DSP: variants seen among roughly 807,000 people sequenced by gnomAD.
The protein encoded by DSP is desmoplakin.
Under a neutral mutation model 290.6 loss-of-function variants are expected in DSP, and 114 were observed. That is an observed-to-expected ratio of 0.39 (90% CI 0.34 to 0.46). The LOEUF (loss-of-function observed/expected upper bound fraction) is 0.46, where lower values mean the gene tolerates loss of function less well. DSP is among the 20% of genes least tolerant of loss of function. The probability of loss-of-function intolerance (pLI) is 0.99; values close to 1 mark genes in which losing one functional copy is unlikely to be tolerated. For synonymous variants in DSP, 1,311 were observed against 1,316.4 expected (o/e 1.00, Z 0.09); for missense variants, 3,230 against 3,495.8 (o/e 0.92, Z 1.92).
Position 7,586,134 on chromosome 6 carries a change from G to A in DSP, c.*256G>A, listed in dbSNP as rs761144502. The A allele has an allele frequency of 5.1e-6, 2 of 391,760 alleles. No homozygotes were observed. Among genetic ancestry groups the A allele is most frequent in the Non-Finnish European group, 9.1e-6 (2 of 219,988 alleles). The allele number at this position is 391,760 out of a possible 1,614,324, so 24.3% of individuals were successfully genotyped here. On this transcript the variant is annotated 3_prime_UTR_variant, in exon 24 of 24. Transcript: ENST00000379802. ...ATCAGTTGTAACAATAGCACAAATC[G>A]AACTTAGGATTTGTTTCTTCTCTTC...
Position 7,541,776 on chromosome 6 carries a change from G to T in DSP, c.-140G>T, listed in dbSNP as rs978205443. 1 of 1,125,030 alleles carries T rather than the reference G, an allele frequency of 8.9e-7. No individual in the cohort carries two copies. The highest frequency in any genetic ancestry group is 1.2e-6 in the Non-Finnish European group (1 of 819,260). 69.7% of individuals were successfully genotyped at this position (1,125,030 alleles called of 1,614,324 possible). A position where few individuals can be genotyped will look rare whatever the true frequency, so the allele number is the denominator to read the frequency against. On this transcript the variant is annotated 5_prime_UTR_variant, in exon 1 of 24. Coordinates refer to ENST00000379802, the MANE Select transcript of DSP (RefSeq NM_004415.4). The stretch of plus-strand genomic sequence containing the variant: ...GCGGCCTCGGGAGGGCCCAGGTAGC[G>T]AGCAGCGACCTCGCGAGCCTTCCGC...
At position 7,580,229 on chromosome 6, in the gene DSP, G is replaced by T; in HGVS notation, c.4039G>T (p.Glu1347Ter). ...EAKRRWEYEN[E>*]LSKVRNNYDE... Reference sequence around the variant, plus strand: ...CAAGCGCCGCTGGGAATATGAAAATGAACTGAGTAAGGTAAGAAACAATTA... The same window carrying T: ...CAAGCGCCGCTGGGAATATGAAAATTAACTGAGTAAGGTAAGAAACAATTA... Residue 1347 changes from glutamate to a stop codon, truncating the protein, a stop_gained, in exon 23 of 24, where the codon GAA (glutamate) becomes TAA (stop). Coordinates refer to ENST00000379802, the MANE Select transcript of DSP (RefSeq NM_004415.4). LOFTEE classifies it high-confidence loss of function. The surrounding 1 kb of genome is among the most constrained non-coding windows in gnomAD (Gnocchi z 4.2). 1 of 1,614,012 alleles carries T rather than the reference G, an allele frequency of 6.2e-7. No individual in the cohort carries two copies. Among genetic ancestry groups the T allele is most frequent in the South Asian group, 1.1e-5 (1 of 91,046 alleles).
Position 7,579,401 on chromosome 6 carries a change from C to T in DSP, c.3211C>T (p.Gln1071Ter). 1 of 1,614,164 alleles carries T rather than the reference C, an allele frequency of 6.2e-7. No individual in the cohort carries two copies. The change falls in exon 23 of 24, where the codon CAG becomes TAG. Residue 1071 changes from glutamine to a stop codon, truncating the protein, a stop_gained. Transcript: ENST00000379802. LOFTEE classifies it high-confidence loss of function. This position sits in a 1 kb window ranked among gnomAD's most constrained non-coding sequence, Gnocchi z 4.1. ...GCAGAAATACCAGGCAGAGTGTTCC[C>T]AGTTCAAAGCGAAGCTTGCGAGCCT... ...NLQKYQAECSQFKAKLASLEE... is the reference protein window; with the variant it reads ...NLQKYQAECS
chr6:7,575,404 A>G lies in DSP; in HGVS notation c.2546A>G (p.Tyr849Cys), dbSNP rs778636665. 1.7e-4 allele frequency: 270 copies of G among 1,614,056 alleles called. No individual in the cohort carries two copies. Among genetic ancestry groups the G allele is most frequent in the Non-Finnish European group, 2.2e-4 (260 of 1,180,028 alleles). Residue 849 changes from tyrosine (Y) to cysteine (C), a missense_variant, in exon 18 of 24, where the codon TAT becomes TGT. Transcript: ENST00000379802. ...HSQTSQQYPLYDLDLGKFGEK... is the reference protein window; with the variant it reads ...HSQTSQQYPLCDLDLGKFGEK... The stretch of plus-strand genomic sequence containing the variant: ...CAGACTTCACAGCAGTATCCACTTT[A>G]TGATCTGGACTTGGGCAAGTTCGGT...
chr6:7,550,367 T>G (rs1758303491), intron 1 of DSP, among the ~76,000 whole-genome samples: 1 of 152,240 alleles, frequency 6.6e-6, no homozygotes, highest in South Asian at 2.1e-4. Flanking sequence ...GTCTTGTATT[T>G]TTAAAAATAA....
intron 1 of DSP, among the ~76,000 whole-genome samples, chr6:7,548,425 T>C (rs1165031823): frequency 6.6e-6 from 1 of 151,970 alleles, no homozygotes; most frequent in Non-Finnish European, 1.5e-5. Flanking sequence ...AGGCAGAAGC[T>C]CCAGGCACTG....
Position 7,579,161 on chromosome 6 carries a change from A to C in DSP, c.3085-114A>C, listed in dbSNP as rs2806226. On this transcript the variant is annotated intron_variant, in intron 22 of 23. Coordinates refer to ENST00000379802, the MANE Select transcript of DSP (RefSeq NM_004415.4). This position sits in a 1 kb window ranked among gnomAD's most constrained non-coding sequence, Gnocchi z 4.1. The stretch of plus-strand genomic sequence containing the variant: ...CTAGTCACTCTTTGCATGTATGTCC[A>C]TGTGTGTAAAGAGAAATAAGAATGC... 7.1e-7 allele frequency: 1 copy of C among 1,414,078 alleles called. No individual in the cohort carries two copies. The highest frequency in any genetic ancestry group is 1.2e-5 in the South Asian group (1 of 80,526). 87.6% of individuals were successfully genotyped at this position (1,414,078 alleles called of 1,614,324 possible).
At position 7,583,963 on chromosome 6, in the gene DSP, A is replaced by G. The variant is rs1236984671; in HGVS notation, c.6701A>G (p.Asn2234Ser). Residue 2234 changes from asparagine (N) to serine (S), a missense_variant, in exon 24 of 24, where the codon AAT becomes AGT. Transcript: ENST00000379802. The surrounding 1 kb of genome is among the most constrained non-coding windows in gnomAD (Gnocchi z 4.0). ...GGTATATTGAGACCGTCCACTGTCA[A>G]TGAACTGGAATCTGGTCAGATTTCT... The part of the protein sequence containing the change: ...DSGILRPSTV[N>S]ELESGQISYD... 6.2e-7 allele frequency: 1 copy of G among 1,614,072 alleles called. No individual in the cohort carries two copies. The highest frequency in any genetic ancestry group is 8.5e-7 in the Non-Finnish European group (1 of 1,180,050).
At chr6:7,557,980 T>G (rs1758551105) in intron 2 of DSP, 136 bp from the exon 3 acceptor site, 1 of 1,082,362 alleles carries the variant, frequency 9.2e-7, no homozygotes, top group African/African-American at 1.6e-5. Context: ...CCTTCTTATC[T>G]CAATAAGATC....
intron 21 of DSP, 33 bp downstream of exon 21, chr6:7,577,919 GC>G (rs1759294365): frequency 6.5e-7 from 1 of 1,547,906 alleles, no homozygotes; most frequent in Admixed American, 1.7e-5. Context: ...CTTAAAACCT[GC>G]CCCTCCTTCT....
chr6:7,581,635 C>A (rs1279078494), intron 23 of DSP, 66 bp downstream of exon 23: 37 of 1,593,834 alleles, frequency 2.3e-5, no homozygotes, highest in Non-Finnish European at 2.8e-5. Context: ...ATTATCTCAT[C>A]TGAACTGTGC....
chr6:7,578,481 T>C lies in DSP; in HGVS notation c.3003T>C (p.Ala1001=), dbSNP rs746386105. 1.9e-6 allele frequency: 3 copies of C among 1,613,862 alleles called. No individual in the cohort carries two copies. The highest frequency in any genetic ancestry group is 1.1e-5 in the South Asian group (1 of 91,062). Residue 1001 remains alanine (A), a synonymous_variant, in exon 22 of 24, where the codon GCT becomes GCC. Transcript: ENST00000379802. ...VILQEAADVH[A]RYIELLTRSG... is the part of the protein sequence containing the mutation. The stretch of plus-strand genomic sequence containing the variant: ...TCTCCAAGGCTGCAGATGTTCATGC[T>C]CGGTACATTGAACTACTTACAAGAT...
intron 1 of DSP, 129 bp downstream of exon 1, chr6:7,542,214 C>A: frequency 7.7e-7 from 1 of 1,300,762 alleles, no homozygotes; most frequent in Non-Finnish European, 1.1e-6. Flanking sequence ...CCCGAAAGAA[C>A]TTCCCGGCCG....
At chr6:7,546,675 G>A (rs1365435257) in intron 1 of DSP, among the ~76,000 whole-genome samples, 1 of 152,108 alleles carries the variant, frequency 6.6e-6, no homozygotes, top group Admixed American at 6.5e-5. Flanking sequence ...TTTTCTATCT[G>A]AGTTATTACT....
chr6:7,569,531 T>G (rs913810883), intron 12 of DSP, among the ~76,000 whole-genome samples, 191 bp downstream of exon 12: 1 of 152,204 alleles, frequency 6.6e-6, no homozygotes, highest in Non-Finnish European at 1.5e-5. Context: ...CAGTCGTTAT[T>G]GAAGAATAAA....
rs754174261 is a variant in DSP at position 7,563,805 on chromosome 6, C to T, written c.777+19C>T. On this transcript the variant is annotated intron_variant, in intron 6 of 23. Transcript: ENST00000379802. The stretch of plus-strand genomic sequence containing the variant: ...CCTGCTGGTAAGCTGATTTATTTCT[C>T]AAGTGCATCGACTTTCTGTTGTTTC... 1.4e-5 allele frequency: 22 copies of T among 1,609,198 alleles called. No homozygotes were observed. Among genetic ancestry groups the T allele is most frequent in the Middle Eastern group, 1.7e-4 (1 of 6,058 alleles).
chr6:7,558,688 A>T lies in DSP; in HGVS notation c.422+424A>T, dbSNP rs115665246. 4.4e-3 allele frequency among the ~76,000 whole-genome samples: 672 copies of T among 152,126 alleles called. 2 individuals carry two copies. The highest frequency in any genetic ancestry group is 0.011 in the African/African-American group (444 of 41,498). On this transcript the variant is annotated intron_variant, in intron 3 of 23. Coordinates refer to ENST00000379802, the MANE Select transcript of DSP (RefSeq NM_004415.4). Reference sequence around the variant, plus strand: ...GCCATACCTAGCAAATTAAAAAAAAATTTTTTGTGGAGACAGGGTTTTGCC... The same window carrying T: ...GCCATACCTAGCAAATTAAAAAAAATTTTTTTGTGGAGACAGGGTTTTGCC...
chr6:7,566,628 C>A, intron 8 of DSP, 147 bp downstream of exon 8: 1 of 688,934 alleles, frequency 1.5e-6, no homozygotes, highest in Non-Finnish European at 2.5e-6. Flanking sequence ...CAGGGGTTGG[C>A]AAACTCTTTT....
rs751067479 is a variant in DSP at position 7,575,480 on chromosome 6, C to T, written c.2622C>T (p.Ile874=). ...TDRWQRIDKQ[I]DFRLWDLEKQ... ...GCTGGCAAAGGATAGATAAACAGAT[C>T]GACTTTAGGTATGCCAGCCTCCTCC... Residue 874 remains isoleucine (I), a synonymous_variant, in exon 18 of 24, where the codon ATC becomes ATT. Transcript: ENST00000379802. The T allele has an allele frequency of 3.1e-6, 5 of 1,614,124 alleles. No individual in the cohort carries two copies. The highest frequency in any genetic ancestry group is 4.5e-5 in the East Asian group (2 of 44,888).
Sources: allele counts gnomAD v4.1 joint callset (sites outside exome capture counted in the v4.1 genomes callset), GRCh38; gene constraint gnomAD v4.1.1; non-coding constraint Gnocchi (gnomAD v3.1); transcripts MANE v1.5; gene names NCBI Gene and HGNC (gene_info 2026-07-23, HGNC 2026-07-21).